Variants in UBTD1 observed in about 807,000 individuals in gnomAD.
The protein encoded by UBTD1 is ubiquitin domain containing 1, also known as ubiquitin domain-containing protein 1.
Under a neutral mutation model 21.7 loss-of-function variants are expected in UBTD1, and 19 were observed. The observed-to-expected ratio is 0.87, with a 90% CI of 0.61 to 1.28. UBTD1 has a LOEUF of 1.28. Among genes scored for constraint, UBTD1 ranks in the 50% most tolerant of loss-of-function variants. The pLI is 0.00. For missense variants in UBTD1, 282 were observed against 315.1 expected, an observed-to-expected ratio of 0.89 and a Z score of 0.80; for synonymous variants, 116 against 135.1, an observed-to-expected ratio of 0.86 and a Z score of 0.98.
chr10:97,562,605 A>G (rs2040698123), intron 1 of UBTD1, among the ~76,000 whole-genome samples: 1 of 151,164 alleles, frequency 6.6e-6, no homozygotes, highest in Non-Finnish European at 1.5e-5. Flanking sequence ...GTACAAAGTA[A>G]TTCACAAGGG....
intron 1 of UBTD1, among the ~76,000 whole-genome samples, chr10:97,567,289 T>C (rs2040721969): frequency 6.6e-6 from 1 of 150,740 alleles, no homozygotes. Context: ...CCCTGGGTGG[T>C]CTAGAACTGC....
At chr10:97,559,438 A>C (rs2040681387) in intron 1 of UBTD1, among the ~76,000 whole-genome samples, 1 of 152,204 alleles carries the variant, frequency 6.6e-6, no homozygotes, top group Non-Finnish European at 1.5e-5. Flanking sequence ...AGTTTGTTTT[A>C]AGTCTAACTT....
intron 1 of UBTD1, among the ~76,000 whole-genome samples, chr10:97,515,889 A>G (rs970158363): frequency 7.9e-5 from 12 of 152,212 alleles, no homozygotes; most frequent in African/African-American, 2.7e-4. Flanking sequence ...TCCTGATACC[A>G]TGCAGATCGG....
intron 1 of UBTD1, among the ~76,000 whole-genome samples, chr10:97,510,139 A>G (rs534835023): frequency 5.3e-5 from 8 of 149,602 alleles, no homozygotes; most frequent in Non-Finnish European, 5.9e-5. Flanking sequence ...ATTTTTTTGT[A>G]TTTTTAGTAG....
At chr10:97,569,956 C>T (rs538937535) in intron 2 of UBTD1, among the ~76,000 whole-genome samples, 182 bp from the exon 3 acceptor site, 1 of 151,846 alleles carries the variant, frequency 6.6e-6, no homozygotes, top group East Asian at 1.9e-4. Context: ...ATCAAGGGGT[C>T]AGAAGGTCAG....
At chr10:97,531,693 G>A (rs967548541) in intron 1 of UBTD1, among the ~76,000 whole-genome samples, 20 of 152,168 alleles carry the variant, frequency 1.3e-4, no homozygotes, top group African/African-American at 4.8e-4. Flanking sequence ...TCTAGGTATC[G>A]GGTCCATTCC....
At chr10:97,501,047 C>CGCCT (rs1477442563) in intron 1 of UBTD1, among the ~76,000 whole-genome samples, 11 of 152,188 alleles carry the variant, frequency 7.2e-5, no homozygotes, top group African/African-American at 2.7e-4. Flanking sequence ...GCTTCCTTGT[C>CGCCT]GCCTGCCTCT....
chr10:97,546,900 ACTCTCT>A (rs144552590), intron 1 of UBTD1, among the ~76,000 whole-genome samples: 3 of 147,060 alleles, frequency 2.0e-5, no homozygotes, highest in Non-Finnish European at 3.0e-5. Context: ...TCACACACAC[ACTCTCT>A]CTCTCTCTCT....
intron 2 of UBTD1, among the ~76,000 whole-genome samples, chr10:97,568,999 T>G (rs1319408484): frequency 6.6e-6 from 1 of 152,174 alleles, no homozygotes; most frequent in Non-Finnish European, 1.5e-5. Context: ...AATTTTGTAT[T>G]TTTAGTAGAG....
At chr10:97,511,958 G>T (rs1462324330) in intron 1 of UBTD1, among the ~76,000 whole-genome samples, 1 of 152,160 alleles carries the variant, frequency 6.6e-6, no homozygotes, top group African/African-American at 2.4e-5. Context: ...GAGTGGAGGA[G>T]CTGCTGTTTG....
rs1353601136 is a variant in UBTD1 at position 97,514,375 on chromosome 10, C to A, written c.70+15102C>A. Among the ~76,000 whole-genome samples, 10 of 152,302 alleles carry A rather than the reference C, an allele frequency of 6.6e-5. 1 individual carries two copies. The East Asian group carries it at 1.3e-3, about 21-fold the overall frequency. ...CCTGCCACCCTCATCCCTCCCCATC[C>A]CCCAAATTCCTCTCTTTTCCATTTA... is the stretch of plus-strand genomic sequence containing the variant. On this transcript the variant is annotated intron_variant, in intron 1 of 2. Coordinates refer to ENST00000370664, the MANE Select transcript of UBTD1 (RefSeq NM_024954.5).
In UBTD1 at chr10:97,522,714, C is replaced by T. The variant is rs1369782753; in HGVS notation, c.70+23441C>T. Among the ~76,000 whole-genome samples the T allele has an allele frequency of 3.3e-5, 5 of 152,304 alleles. No individual in the cohort carries two copies. In the South Asian group the frequency reaches 8.3e-4, roughly 25 times the overall value. On this transcript the variant is annotated intron_variant, in intron 1 of 2. Transcript: ENST00000370664. ...AACAGCAAGTCAGAGCTTTTAGCTTCCTTTCTCTTTAGATTGTACCTGGCT... is the reference window on the plus strand; with the variant it reads ...AACAGCAAGTCAGAGCTTTTAGCTTTCTTTCTCTTTAGATTGTACCTGGCT...
At chr10:97,555,071 A>T (rs2040657858) in intron 1 of UBTD1, among the ~76,000 whole-genome samples, 1 of 152,156 alleles carries the variant, frequency 6.6e-6, no homozygotes, top group Non-Finnish European at 1.5e-5. Context: ...AGGCAGGGAA[A>T]CTGTAGAATC....
In UBTD1 at chr10:97,520,280, G is replaced by A. The variant is rs114507264; in HGVS notation, c.70+21007G>A. On this transcript the variant is annotated intron_variant, in intron 1 of 2. Transcript: ENST00000370664. ...TCAAACCCTCATGGGGCTCTGGGTG[G>A]CTGACCCAATGGCTTTGTCGAAATG... 3.8e-3 allele frequency among the ~76,000 whole-genome samples: 578 copies of A among 152,260 alleles called. 2 individuals are homozygous for A. The highest frequency in any genetic ancestry group is 0.013 in the African/African-American group (539 of 41,556).
intron 1 of UBTD1, among the ~76,000 whole-genome samples, chr10:97,529,659 C>T (rs945700544): frequency 6.6e-6 from 1 of 152,034 alleles, no homozygotes; most frequent in Non-Finnish European, 1.5e-5. Context: ...GCAGGAGAAT[C>T]AGGCAGGGAG....
chr10:97,515,688 G>C (rs1038544882), intron 1 of UBTD1, among the ~76,000 whole-genome samples: 1 of 152,056 alleles, frequency 6.6e-6, no homozygotes, highest in African/African-American at 2.4e-5. Flanking sequence ...GAGCCCACAC[G>C]GTCCCAAATG....
chr10:97,506,992 G>A (rs2040402089), intron 1 of UBTD1, among the ~76,000 whole-genome samples: 1 of 152,212 alleles, frequency 6.6e-6, no homozygotes, highest in African/African-American at 2.4e-5. Flanking sequence ...AGGAGCAAAA[G>A]GTGAATGCTC....
At chr10:97,557,208 T>C (rs926570272) in intron 1 of UBTD1, among the ~76,000 whole-genome samples, 2 of 152,248 alleles carry the variant, frequency 1.3e-5, no homozygotes, top group Non-Finnish European at 2.9e-5. Context: ...TAGTTTTTCC[T>C]GGAATCTCAA....
At chr10:97,510,910 A>T (rs1227491206) in intron 1 of UBTD1, among the ~76,000 whole-genome samples, 4 of 152,164 alleles carry the variant, frequency 2.6e-5, no homozygotes, top group Non-Finnish European at 5.9e-5. Flanking sequence ...TTTCTAGGCT[A>T]TCTCCACATA....
Sources: gnomAD v4.1 joint callset for allele counts (sites outside exome capture counted in the v4.1 genomes callset) on GRCh38, gnomAD v4.1.1 for gene constraint, MANE v1.5 for transcripts, NCBI Gene and HGNC (gene_info 2026-07-23, HGNC 2026-07-21) for gene names.